Variants in CSGALNACT1 observed in about 807,000 individuals in gnomAD.
CSGALNACT1 encodes chondroitin sulfate N-acetylgalactosaminyltransferase 1.
CSGALNACT1 carries 52 observed loss-of-function variants against 51.0 expected under a neutral mutation model. The ratio of observed to expected loss-of-function variants is 1.02; its 90% CI spans 0.82 to 1.29. The LOEUF (loss-of-function observed/expected upper bound fraction) is 1.29. CSGALNACT1 is among the 50% of genes most tolerant of loss of function. The pLI, the probability that CSGALNACT1 is intolerant of heterozygous loss-of-function variation, is 0.00. For missense variants in CSGALNACT1, 935 were observed against 679.2 expected, an observed-to-expected ratio of 1.38 and a Z score of -4.19; for synonymous variants, 341 against 254.4, an observed-to-expected ratio of 1.34 and a Z score of -3.24.
At chr8:19,582,133 T>C (rs2045710817) in intron 3 of CSGALNACT1, among the ~76,000 whole-genome samples, 2 of 152,206 alleles carry the variant, frequency 1.3e-5, no homozygotes, top group Admixed American at 6.5e-5. Flanking sequence ...TTCTGTAACT[T>C]GGCCCTTTCT....
intron 3 of CSGALNACT1, among the ~76,000 whole-genome samples, chr8:19,549,491 T>A (rs2087374288): frequency 6.6e-6 from 1 of 152,000 alleles, no homozygotes; most frequent in South Asian, 2.1e-4. Context: ...TTTTTCCAAT[T>A]TCTTTTGTTT....
exon 1 of CSGALNACT1, chr8:19,602,115 G>A: frequency 5.7e-6 from 1 of 175,296 alleles, no homozygotes; most frequent in Non-Finnish European, 1.2e-5. Context: ...TAAAAATGAA[G>A]CTGAACATTT....
chr8:19,493,305 G>A (rs2074776407), intron 4 of CSGALNACT1, among the ~76,000 whole-genome samples: 1 of 152,034 alleles, frequency 6.6e-6, no homozygotes, highest in Non-Finnish European at 1.5e-5. Flanking sequence ...TTGGGGGAGG[G>A]GGACAGAGAT....
intron 5 of CSGALNACT1, among the ~76,000 whole-genome samples, chr8:19,446,437 CG>C (rs2062130447): frequency 6.6e-6 from 1 of 152,088 alleles, no homozygotes; most frequent in African/African-American, 2.4e-5. Context: ...CCATAGTCTC[CG>C]TGCACGAGCT....
intron 1 of CSGALNACT1, among the ~76,000 whole-genome samples, chr8:19,728,523 T>C (rs1011761362): frequency 1.3e-5 from 2 of 151,606 alleles, no homozygotes; most frequent in Non-Finnish European, 2.9e-5. Context: ...ATTTCAGGGT[T>C]CTGTGAGTTT....
intron 1 of CSGALNACT1, among the ~76,000 whole-genome samples, chr8:19,739,434 CAT>C (rs1302435491): frequency 6.6e-6 from 1 of 152,098 alleles, no homozygotes; most frequent in Admixed American, 6.6e-5. Flanking sequence ...GTTTGAAACA[CAT>C]GATGAAGAAA....
At chr8:19,462,086 C>T (rs2065683283) in intron 4 of CSGALNACT1, among the ~76,000 whole-genome samples, 1 of 152,188 alleles carries the variant, frequency 6.6e-6, no homozygotes, top group African/African-American at 2.4e-5. Context: ...ATGGTATCTG[C>T]ACAGCAGCCA....
intron 4 of CSGALNACT1, among the ~76,000 whole-genome samples, chr8:19,474,362 T>G (rs937996647): frequency 6.6e-6 from 1 of 152,158 alleles, no homozygotes; most frequent in Non-Finnish European, 1.5e-5. Flanking sequence ...TTTGGCAGTA[T>G]TTTTAAAATT....
At chr8:19,540,273 T>C (rs1427688392) in intron 3 of CSGALNACT1, among the ~76,000 whole-genome samples, 1 of 152,216 alleles carries the variant, frequency 6.6e-6, no homozygotes, top group East Asian at 1.9e-4. Flanking sequence ...TGCTGAATTA[T>C]CATGCAGACG....
At chr8:19,689,194 A>G (rs1314106043) in intron 1 of CSGALNACT1, among the ~76,000 whole-genome samples, 1 of 152,172 alleles carries the variant, frequency 6.6e-6, no homozygotes, top group Non-Finnish European at 1.5e-5. Flanking sequence ...CGATGTCATA[A>G]AAGACTGTAT....
intron 1 of CSGALNACT1, among the ~76,000 whole-genome samples, chr8:19,717,599 G>A (rs1311346291): frequency 6.6e-6 from 1 of 152,138 alleles, no homozygotes; most frequent in Admixed American, 6.5e-5. Flanking sequence ...CCCTTTATGT[G>A]GTTTAGACAT....
intron 1 of CSGALNACT1, among the ~76,000 whole-genome samples, chr8:19,713,016 T>C (rs1169461053): frequency 6.6e-6 from 1 of 152,224 alleles, no homozygotes; most frequent in African/African-American, 2.4e-5. Flanking sequence ...CAGCCTGGAA[T>C]ATTCTCTCTT....
At chr8:19,673,084 G>A (rs2059915062) in intron 1 of CSGALNACT1, among the ~76,000 whole-genome samples, 1 of 152,142 alleles carries the variant, frequency 6.6e-6, no homozygotes, top group Non-Finnish European at 1.5e-5. Context: ...TTAGAACAAG[G>A]GGCAAATGTC....
chr8:19,472,321 A>G lies in CSGALNACT1; in HGVS notation c.635-13679T>C, dbSNP rs948757222. 1.1e-4 allele frequency among the ~76,000 whole-genome samples: 16 copies of G among 152,318 alleles called. No homozygotes were observed. The East Asian group carries it at 3.1e-3, about 29-fold the overall frequency. ...GATACAGGCAGAAGCAATAAGCAGG[A>G]ACCAAAAGGTCAAAGACCAAGGAAT... On this transcript the variant is annotated intron_variant, in intron 4 of 9. Coordinates refer to ENST00000454498, the Ensembl canonical transcript of CSGALNACT1.
chr8:19,689,945 C>A (rs2154214547), intron 1 of CSGALNACT1, among the ~76,000 whole-genome samples: 1 of 152,318 alleles, frequency 6.6e-6, no homozygotes, highest in South Asian at 2.1e-4. Context: ...ACCGCCAATG[C>A]CTGATCCAGA....
chr8:19,648,960 A>G (rs992966652), intron 1 of CSGALNACT1, among the ~76,000 whole-genome samples: 2 of 152,178 alleles, frequency 1.3e-5, no homozygotes, highest in African/African-American at 4.8e-5. Flanking sequence ...AAGATCTCAT[A>G]TGGGTAGGTG....
At chr8:19,468,873 G>C (rs897355475) in intron 4 of CSGALNACT1, among the ~76,000 whole-genome samples, 10 of 152,140 alleles carry the variant, frequency 6.6e-5, no homozygotes, top group African/African-American at 2.2e-4. Context: ...AGGTCAGCCA[G>C]GAAGAGTCTG....
intron 5 of CSGALNACT1, among the ~76,000 whole-genome samples, chr8:19,456,022 A>T (rs1309326314): frequency 2.0e-5 from 3 of 152,240 alleles, no homozygotes; most frequent in Non-Finnish European, 4.4e-5. Flanking sequence ...GGCTGAGATG[A>T]ATCAGCTCAA....
chr8:19,446,454 T>C (rs2062134010), intron 5 of CSGALNACT1, among the ~76,000 whole-genome samples: 1 of 152,096 alleles, frequency 6.6e-6, no homozygotes, highest in East Asian at 1.9e-4. Context: ...GAGCTCCCCA[T>C]TCCCACTGGG....
Sources: allele counts gnomAD v4.1 joint callset (sites outside exome capture counted in the v4.1 genomes callset), GRCh38; gene constraint gnomAD v4.1.1; transcripts MANE v1.5; gene names NCBI Gene and HGNC (gene_info 2026-07-23, HGNC 2026-07-21).